Variants in ZSWIM5 observed in about 807,000 individuals in gnomAD.
The protein encoded by ZSWIM5 is zinc finger SWIM domain-containing protein 5.
A neutral mutation model predicts 119.6 loss-of-function variants in ZSWIM5; 55 were observed. The ratio of observed to expected loss-of-function variants is 0.46; its 90% CI spans 0.37 to 0.58. The LOEUF (loss-of-function observed/expected upper bound fraction) is 0.58, where lower values mean the gene tolerates loss of function less well. Ranked by LOEUF, ZSWIM5 falls within the 20% of genes least tolerant of loss-of-function variation. The pLI, the probability that ZSWIM5 is intolerant of heterozygous loss-of-function variation, is 0.00. For synonymous variants in ZSWIM5, 537 were observed against 606.9 expected (o/e 0.88, Z 1.69); for missense variants, 1,193 against 1,512.8 (o/e 0.79, Z 3.51).
intron 6 of ZSWIM5, among the ~76,000 whole-genome samples, chr1:45,042,954 C>T (rs1335913982): frequency 1.3e-5 from 2 of 152,148 alleles, no homozygotes; most frequent in African/African-American, 4.8e-5. Context: ...TTTGTTAATG[C>T]TCTTTGAGAT....
At chr1:45,203,262 T>A (rs2149058363) in intron 1 of ZSWIM5, among the ~76,000 whole-genome samples, 1 of 152,188 alleles carries the variant, frequency 6.6e-6, no homozygotes. Context: ...GTGTGGAAAG[T>A]AATTAGAAAT....
intron 1 of ZSWIM5, among the ~76,000 whole-genome samples, chr1:45,189,343 A>G (rs1287814854): frequency 6.6e-6 from 1 of 152,058 alleles, no homozygotes; most frequent in East Asian, 1.9e-4. Context: ...AATAATAATA[A>G]TATTTGCAAG....
At chr1:45,026,882 T>C (rs1489287998) in intron 11 of ZSWIM5, among the ~76,000 whole-genome samples, 1 of 152,168 alleles carries the variant, frequency 6.6e-6, no homozygotes, top group Admixed American at 6.5e-5. Context: ...ATTAATTCAA[T>C]TTCTTTAACA....
chr1:45,128,356 T>A (rs1318338017), intron 1 of ZSWIM5, among the ~76,000 whole-genome samples: 1 of 152,030 alleles, frequency 6.6e-6, no homozygotes, highest in African/African-American at 2.4e-5. Flanking sequence ...CATGCCCAGC[T>A]AGTTTTTTGT....
At chr1:45,166,644 T>C (rs1301248489) in intron 1 of ZSWIM5, among the ~76,000 whole-genome samples, 1 of 152,084 alleles carries the variant, frequency 6.6e-6, no homozygotes, top group African/African-American at 2.4e-5. Flanking sequence ...AAAAGCAATG[T>C]GCAAAAATCA....
intron 1 of ZSWIM5, among the ~76,000 whole-genome samples, chr1:45,200,006 G>T (rs979495839): frequency 5.3e-5 from 8 of 152,108 alleles, no homozygotes; most frequent in African/African-American, 1.9e-4. Context: ...TTAAAAATCA[G>T]AAGCATCCAG....
intron 1 of ZSWIM5, among the ~76,000 whole-genome samples, chr1:45,106,931 C>T (rs1344748961): frequency 6.6e-6 from 1 of 152,218 alleles, no homozygotes; most frequent in Non-Finnish European, 1.5e-5. Context: ...CCCCTGCTCT[C>T]TGAAACATGT....
intron 1 of ZSWIM5, among the ~76,000 whole-genome samples, chr1:45,182,142 C>G (rs1166626271): frequency 6.6e-6 from 1 of 152,160 alleles, no homozygotes; most frequent in African/African-American, 2.4e-5. Context: ...CTGGGCCGGG[C>G]GCGGTGGCTC....
chr1:45,083,041 G>A (rs565156565), intron 2 of ZSWIM5, among the ~76,000 whole-genome samples: 1 of 152,258 alleles, frequency 6.6e-6, no homozygotes, highest in Admixed American at 6.5e-5. Context: ...CAGGCCTGGG[G>A]GATGGGGGCA....
chr1:45,159,852 G>A (rs1645852950), intron 1 of ZSWIM5, among the ~76,000 whole-genome samples: 1 of 152,186 alleles, frequency 6.6e-6, no homozygotes, highest in African/African-American at 2.4e-5. Context: ...GCCTCCCAAA[G>A]TGCTGGGATT....
At chr1:45,048,203 C>T (rs550932326) in intron 5 of ZSWIM5, among the ~76,000 whole-genome samples, 2 of 150,942 alleles carry the variant, frequency 1.3e-5, no homozygotes, top group South Asian at 4.2e-4. Flanking sequence ...CGATACCTGG[C>T]TAATTTTTGT....
At position 45,020,838 on chromosome 1, in the gene ZSWIM5, C is replaced by T. The variant is rs781183999; in HGVS notation, c.2450-50G>A. The stretch of plus-strand genomic sequence containing the variant: ...GGGTCTATTTTAAAGTTTTACTAAA[C>T]AGTCAGCTGACTGCAATAGATACTC... On this transcript the variant is annotated intron_variant, in intron 11 of 13. Coordinates refer to ENST00000359600, the MANE Select transcript of ZSWIM5 (RefSeq NM_020883.2). 7 of 1,585,026 alleles carry T rather than the reference C, an allele frequency of 4.4e-6. No homozygotes were observed. In the East Asian group the frequency reaches 1.6e-4, roughly 35 times the overall value.
chr1:45,088,361 T>C lies in ZSWIM5; in HGVS notation c.596-124A>G, dbSNP rs1390704280. 8.8e-6 allele frequency: 6 copies of C among 681,408 alleles called. No homozygotes were observed. The highest frequency in any genetic ancestry group is 1.4e-5 in the Non-Finnish European group (6 of 419,640). The allele number at this position is 681,408 out of a possible 1,614,324, so 42.2% of individuals were successfully genotyped here. ...GGGTATCTCCTACACACGTACATGA[T>C]AGGCTTTGCCACAGACACAGAGGTC... On this transcript the variant is annotated intron_variant, in intron 1 of 13. Coordinates refer to ENST00000359600, the MANE Select transcript of ZSWIM5 (RefSeq NM_020883.2). The surrounding 1 kb of genome is among the most constrained non-coding windows in gnomAD (Gnocchi z 4.2).
At chr1:45,167,597 A>T (rs972913421) in intron 1 of ZSWIM5, among the ~76,000 whole-genome samples, 1 of 152,182 alleles carries the variant, frequency 6.6e-6, no homozygotes, top group Non-Finnish European at 1.5e-5. Flanking sequence ...TAATATCCAG[A>T]ATCTACAAAG....
intron 1 of ZSWIM5, among the ~76,000 whole-genome samples, chr1:45,169,920 T>TA (rs1307897129): frequency 6.6e-6 from 1 of 151,508 alleles, no homozygotes; most frequent in African/African-American, 2.4e-5. Flanking sequence ...ATCCTCCTTT[T>TA]AAAAAAAAAT....
intron 1 of ZSWIM5, among the ~76,000 whole-genome samples, chr1:45,095,832 T>C (rs1645397921): frequency 6.6e-6 from 1 of 152,208 alleles, no homozygotes. Context: ...ATTTATTTTT[T>C]ATTTAAAGTT....
intron 1 of ZSWIM5, among the ~76,000 whole-genome samples, chr1:45,205,155 TGGA>T (rs2149059129): frequency 6.9e-6 from 1 of 143,932 alleles, no homozygotes; most frequent in East Asian, 2.0e-4. Context: ...GGTGGGGGTG[TGGA>T]GGAGAAGCTG....
intron 1 of ZSWIM5, among the ~76,000 whole-genome samples, chr1:45,121,599 C>CT (rs1181121841): frequency 0.018 from 2,651 of 145,454 alleles, 87 homozygotes; most frequent in African/African-American, 0.065. Context: ...TTTTTTTCTT[C>CT]TTCTTTTTTT....
At chr1:45,115,806 C>T (rs1252555592) in intron 1 of ZSWIM5, among the ~76,000 whole-genome samples, 1 of 148,612 alleles carries the variant, frequency 6.7e-6, no homozygotes, top group Non-Finnish European at 1.5e-5. Context: ...ACATCCCAGA[C>T]GATGGGCGGC....
Sources: gnomAD v4.1 joint callset for allele counts (sites outside exome capture counted in the v4.1 genomes callset) on GRCh38, gnomAD v4.1.1 for gene constraint, Gnocchi (gnomAD v3.1) non-coding constraint, MANE v1.5 for transcripts, NCBI Gene and HGNC (gene_info 2026-07-23, HGNC 2026-07-21) for gene names.